The following SERPINE2 variants were observed in gnomAD, a reference collection of about 807,000 sequenced individuals.
The protein encoded by SERPINE2 is glia-derived nexin.
A neutral mutation model predicts 36.3 loss-of-function variants in SERPINE2; 14 were observed. That is an observed-to-expected ratio of 0.39 (90% CI 0.25 to 0.60). The LOEUF (loss-of-function observed/expected upper bound fraction) is 0.60, where lower values mean the gene tolerates loss of function less well. Ranked by LOEUF, SERPINE2 falls within the 20% of genes least tolerant of loss-of-function variation. The pLI, the probability that SERPINE2 is intolerant of heterozygous loss-of-function variation, is 0.57. For missense variants in SERPINE2, 418 were observed against 499.6 expected (o/e 0.84, Z 1.56); for synonymous variants, 192 against 191.8 (o/e 1.00, Z -0.01).
intron 1 of SERPINE2, among the ~76,000 whole-genome samples, chr2:224,010,127 T>C (rs1473356077): frequency 2.0e-5 from 3 of 152,196 alleles, no homozygotes; most frequent in Non-Finnish European, 2.9e-5. Context: ...GCAAAATGAC[T>C]CAGCATCTTT....
At chr2:224,035,806 C>T (rs1056573125) in intron 1 of SERPINE2, among the ~76,000 whole-genome samples, 1 of 152,204 alleles carries the variant, frequency 6.6e-6, no homozygotes, top group Non-Finnish European at 1.5e-5. Context: ...GCACACCGGC[C>T]ACCATTTTGC....
At chr2:223,997,116 T>C (rs1369889683) in intron 3 of SERPINE2, among the ~76,000 whole-genome samples, 2 of 152,144 alleles carry the variant, frequency 1.3e-5, no homozygotes, top group Non-Finnish European at 2.9e-5. Context: ...AAATCTGTAC[T>C]CCCATCCTTC....
Position 224,006,455 on chromosome 2 carries a change from G to A in SERPINE2, c.-22-4533C>T, listed in dbSNP as rs138255199. Among the ~76,000 whole-genome samples, 627 of 152,146 alleles carry A rather than the reference G, an allele frequency of 4.1e-3. 6 individuals carry two copies. Among genetic ancestry groups the A allele is most frequent in the African/African-American group, 0.015 (604 of 41,482 alleles). On this transcript the variant is annotated intron_variant, in intron 1 of 8. Coordinates refer to ENST00000409304, the MANE Select transcript of SERPINE2 (RefSeq NM_001136528.2). The stretch of plus-strand genomic sequence containing the variant: ...GACACTTCTACCCAACTCCTTCCAC[G>A]GTGTGTGTGATGTTTTTCCTGATTG...
chr2:223,997,983 C>T (rs36034130), intron 3 of SERPINE2, 132 bp downstream of exon 3: 1 of 691,900 alleles, frequency 1.4e-6, no homozygotes, highest in African/African-American at 1.8e-5. Context: ...CTGAATAGAG[C>T]TTCCTTGGTC....
chr2:223,995,132 T>C (rs1236940398), intron 3 of SERPINE2, among the ~76,000 whole-genome samples: 1 of 152,298 alleles, frequency 6.6e-6, no homozygotes, highest in East Asian at 1.9e-4. Context: ...AAGAGGCCTG[T>C]GTGGCTGGAA....
intron 1 of SERPINE2, chr2:224,038,593 G>T (rs1343350986): frequency 1.6e-6 from 2 of 1,255,440 alleles, no homozygotes; most frequent in Admixed American, 4.0e-5. Context: ...CAAGTTAAAG[G>T]CTTTCCCCAC....
intron 1 of SERPINE2, among the ~76,000 whole-genome samples, chr2:224,005,784 T>C (rs1300744682): frequency 1.3e-5 from 2 of 152,202 alleles, no homozygotes; most frequent in African/African-American, 4.8e-5. Flanking sequence ...ATGTACTGCA[T>C]AGCAACAAGA....
intron 3 of SERPINE2, among the ~76,000 whole-genome samples, chr2:223,995,348 T>C (rs1449216967): frequency 6.6e-6 from 1 of 152,242 alleles, no homozygotes; most frequent in African/African-American, 2.4e-5. Flanking sequence ...TGTGGTCATG[T>C]ACCTTTCAGT....
intron 1 of SERPINE2, among the ~76,000 whole-genome samples, chr2:224,012,839 G>A (rs548110230): frequency 6.6e-6 from 1 of 152,076 alleles, no homozygotes; most frequent in African/African-American, 2.4e-5. Context: ...GAGCAGAGAA[G>A]GTTATGGAGC....
chr2:224,036,587 C>G (rs1692545546), intron 1 of SERPINE2, among the ~76,000 whole-genome samples: 1 of 147,484 alleles, frequency 6.8e-6, no homozygotes. Context: ...ACCTATGTAA[C>G]AAACCTGCAC....
At chr2:224,032,140 TTTC>T (rs1559223428) in intron 1 of SERPINE2, among the ~76,000 whole-genome samples, 3 of 152,216 alleles carry the variant, frequency 2.0e-5, no homozygotes, top group Non-Finnish European at 2.9e-5. Context: ...CTTGAGTGGA[TTTC>T]TTATTTAAAA....
intron 1 of SERPINE2, among the ~76,000 whole-genome samples, chr2:224,034,168 T>C (rs948292810): frequency 6.6e-6 from 1 of 152,206 alleles, no homozygotes; most frequent in African/African-American, 2.4e-5. Context: ...GCTTAGAGTC[T>C]ACTGGATAGG....
chr2:223,978,341 T>C (rs1310829846), intron 7 of SERPINE2: 1 of 152,310 alleles, frequency 6.6e-6, no homozygotes, highest in Non-Finnish European at 1.5e-5. Flanking sequence ...TGGTCCTGTT[T>C]AGCTTCTCTA....
chr2:223,986,986 A>G (rs1005491649), intron 4 of SERPINE2, among the ~76,000 whole-genome samples: 3 of 152,030 alleles, frequency 2.0e-5, no homozygotes, highest in African/African-American at 7.2e-5. Context: ...CTGTCTTTCT[A>G]CCTGGTCACT....
At chr2:224,003,025 A>G (rs1192000264) in intron 1 of SERPINE2, among the ~76,000 whole-genome samples, 1 of 152,100 alleles carries the variant, frequency 6.6e-6, no homozygotes, top group East Asian at 1.9e-4. Flanking sequence ...CAGGGATGCG[A>G]GCAGATGAGG....
intron 1 of SERPINE2, among the ~76,000 whole-genome samples, chr2:224,028,950 G>A (rs973661253): frequency 4.6e-5 from 7 of 152,160 alleles, no homozygotes; most frequent in African/African-American, 1.4e-4. Flanking sequence ...TGCCCCACTC[G>A]TAGAAATTTT....
rs186422352 is a variant in SERPINE2, at chr2:223,995,641, T to C, written c.487+2474A>G. The stretch of plus-strand genomic sequence containing the variant: ...TTTTGTTTTTGTTTTTGTTTTTGCA[T>C]CCTTTTCATGTATGCTGAATTTGCC... On this transcript the variant is annotated intron_variant, in intron 3 of 8. Coordinates refer to ENST00000409304, the MANE Select transcript of SERPINE2 (RefSeq NM_001136528.2). 1.7e-4 allele frequency among the ~76,000 whole-genome samples: 26 copies of C among 152,358 alleles called. 1 individual carries two copies. The highest frequency in any genetic ancestry group is 6.3e-4 in the African/African-American group (26 of 41,588).
At chr2:224,038,359 A>T in intron 1 of SERPINE2, 1 of 745,894 alleles carries the variant, frequency 1.3e-6, no homozygotes, top group Non-Finnish European at 2.3e-6. Context: ...AACCTTCAAC[A>T]GCATCTTCCA....
At chr2:223,976,300 A>G (rs1189554229) in intron 8 of SERPINE2, among the ~76,000 whole-genome samples, 3 of 152,046 alleles carry the variant, frequency 2.0e-5, no homozygotes, top group Admixed American at 2.0e-4. Context: ...ACAGGCACCC[A>G]CCACCACTGC....
Sources: allele counts gnomAD v4.1 joint callset (sites outside exome capture counted in the v4.1 genomes callset), GRCh38; gene constraint gnomAD v4.1.1; transcripts MANE v1.5; gene names NCBI Gene and HGNC (gene_info 2026-07-23, HGNC 2026-07-21).